RBFOX1: variants seen among roughly 807,000 people sequenced by gnomAD.
RBFOX1 encodes RNA binding protein fox-1 homolog 1.
Under a neutral mutation model 57.7 loss-of-function variants are expected in RBFOX1, and 8 were observed. The observed-to-expected ratio is 0.14, with a 90% CI of 0.08 to 0.25. The LOEUF (loss-of-function observed/expected upper bound fraction) is 0.25, where lower values mean the gene tolerates loss of function less well. RBFOX1 is among the 10% of genes least tolerant of loss of function. RBFOX1 has a pLI of 1.00. For missense variants in RBFOX1, 611 were observed against 548.5 expected (o/e 1.11, Z -1.14); for synonymous variants, 326 against 222.4 (o/e 1.47, Z -4.15).
At chr16:6,440,074 C>G (rs2094344384) in intron 2 of RBFOX1, among the ~76,000 whole-genome samples, 1 of 151,824 alleles carries the variant, frequency 6.6e-6, no homozygotes, top group Non-Finnish European at 1.5e-5. Context: ...GTAGCTGGGA[C>G]TACAGGCATG....
At chr16:6,314,262 C>T (rs143127653) in intron 1 of RBFOX1, among the ~76,000 whole-genome samples, 1 of 152,270 alleles carries the variant, frequency 6.6e-6, no homozygotes, top group East Asian at 1.9e-4. Context: ...CATAAGGGGC[C>T]GTTTCCCAGA....
At chr16:7,418,753 C>T (rs757433293) in intron 4 of RBFOX1, among the ~76,000 whole-genome samples, 7 of 142,306 alleles carry the variant, frequency 4.9e-5, no homozygotes, top group Non-Finnish European at 1.1e-4. Context: ...CCTCTTTTCT[C>T]CTCTCTCTCA....
At chr16:6,663,293 A>C (rs562900214) in intron 3 of RBFOX1, among the ~76,000 whole-genome samples, 1 of 152,302 alleles carries the variant, frequency 6.6e-6, no homozygotes, top group South Asian at 2.1e-4. Flanking sequence ...GTATTTGTAT[A>C]TAGTTTGCTG....
At chr16:7,603,517 A>G (rs1343433329) in intron 9 of RBFOX1, among the ~76,000 whole-genome samples, 2 of 152,214 alleles carry the variant, frequency 1.3e-5, no homozygotes, top group African/African-American at 2.4e-5. Flanking sequence ...ATCCAAGAGT[A>G]ACTCTAAGAG....
intron 3 of RBFOX1, among the ~76,000 whole-genome samples, chr16:6,762,691 C>G (rs1468914502): frequency 6.6e-6 from 1 of 151,920 alleles, no homozygotes; most frequent in East Asian, 1.9e-4. Context: ...GTTTTGGGCC[C>G]CAGTGATTTG....
intron 4 of RBFOX1, among the ~76,000 whole-genome samples, chr16:7,130,206 G>C (rs544111545): frequency 6.6e-6 from 1 of 151,766 alleles, no homozygotes; most frequent in Non-Finnish European, 1.5e-5. Flanking sequence ...GCTAATTTTT[G>C]TATTTTTGGT....
At chr16:7,364,533 T>G (rs1472764747) in intron 4 of RBFOX1, among the ~76,000 whole-genome samples, 3 of 148,436 alleles carry the variant, frequency 2.0e-5, no homozygotes, top group African/African-American at 7.5e-5. Context: ...GGAGAGCATT[T>G]ATTGGGAGGA....
chr16:6,476,764 A>G (rs1319906009), intron 2 of RBFOX1, among the ~76,000 whole-genome samples: 1 of 152,186 alleles, frequency 6.6e-6, no homozygotes, highest in Non-Finnish European at 1.5e-5. Context: ...TTCATGAAAT[A>G]CTTCTCTGCA....
chr16:5,758,041 T>A (rs879524592), intron 3 of RBFOX1, among the ~76,000 whole-genome samples: 1 of 152,154 alleles, frequency 6.6e-6, no homozygotes, highest in Non-Finnish European at 1.5e-5. Context: ...TGCAGCAACC[T>A]GGGGTTGGAA....
At chr16:7,485,821 G>T (rs923434581) in intron 4 of RBFOX1, among the ~76,000 whole-genome samples, 2 of 152,108 alleles carry the variant, frequency 1.3e-5, no homozygotes, top group Admixed American at 6.5e-5. Flanking sequence ...CTTGGCATTT[G>T]GTTATCAGCT....
At chr16:7,496,540 C>G (rs2068693244) in intron 4 of RBFOX1, among the ~76,000 whole-genome samples, 1 of 152,132 alleles carries the variant, frequency 6.6e-6, no homozygotes, top group African/African-American at 2.4e-5. Context: ...AGGGTGTATA[C>G]ATGAGTTTAA....
chr16:7,102,579 A>G (rs1306642609), intron 4 of RBFOX1, among the ~76,000 whole-genome samples: 2 of 152,174 alleles, frequency 1.3e-5, no homozygotes, highest in Non-Finnish European at 2.9e-5. Flanking sequence ...ATTTGCAATA[A>G]TAATTAGGCA....
At chr16:7,233,090 C>T (rs1433310744) in intron 4 of RBFOX1, among the ~76,000 whole-genome samples, 1 of 152,098 alleles carries the variant, frequency 6.6e-6, no homozygotes, top group Non-Finnish European at 1.5e-5. Flanking sequence ...AAGAACCCAT[C>T]TCACAATGTA....
intron 2 of RBFOX1, among the ~76,000 whole-genome samples, chr16:5,495,304 G>A (rs910087992): frequency 1.3e-5 from 2 of 152,210 alleles, no homozygotes; most frequent in Non-Finnish European, 2.9e-5. Context: ...AGAGTCTGCA[G>A]CGATTCTCGA....
chr16:7,194,400 T>C (rs1024912418), intron 4 of RBFOX1, among the ~76,000 whole-genome samples: 3 of 152,204 alleles, frequency 2.0e-5, no homozygotes, highest in Admixed American at 2.0e-4. Context: ...TGTAAAAAGA[T>C]ACTAAGCAGC....
At chr16:7,568,102 G>A (rs1026873309) in intron 5 of RBFOX1, among the ~76,000 whole-genome samples, 8 of 152,004 alleles carry the variant, frequency 5.3e-5, no homozygotes, top group African/African-American at 1.7e-4. Flanking sequence ...CACCAAGAAA[G>A]GGTTCTAGGA....
intron 2 of RBFOX1, 63 bp downstream of exon 2, chr16:6,317,120 C>T: frequency 7.1e-7 from 1 of 1,415,254 alleles, no homozygotes; most frequent in Non-Finnish European, 9.6e-7. Flanking sequence ...ATCCTGTTCT[C>T]TCTGAAAAGC....
chr16:6,341,573 A>AT (rs1389942228), intron 2 of RBFOX1, among the ~76,000 whole-genome samples: 1 of 152,232 alleles, frequency 6.6e-6, no homozygotes, highest in African/African-American at 2.4e-5. Flanking sequence ...AATAATGCTG[A>AT]TTCTTGCAAA....
chr16:7,009,535 A>C lies in RBFOX1; in HGVS notation c.-15-42522A>C, dbSNP rs141620677. On this transcript the variant is annotated intron_variant, in intron 3 of 15. Coordinates refer to ENST00000550418, the MANE Select transcript of RBFOX1 (RefSeq NM_018723.4). ...CAGACTTGCATTAATTGTGAAATGG[A>C]AGGGATGATGCGATCAATGATAGGA... 2.5e-3 allele frequency among the ~76,000 whole-genome samples: 387 copies of C among 152,238 alleles called. 2 individuals are homozygous for C. The highest frequency in any genetic ancestry group is 8.8e-3 in the African/African-American group (365 of 41,566).
Sources: allele counts gnomAD v4.1 joint callset (sites outside exome capture counted in the v4.1 genomes callset), GRCh38; gene constraint gnomAD v4.1.1; transcripts MANE v1.5; gene names NCBI Gene and HGNC (gene_info 2026-07-23, HGNC 2026-07-21).